DGKG: variants seen among roughly 807,000 people sequenced by gnomAD.
DGKG encodes the protein diacylglycerol kinase gamma.
A neutral mutation model predicts 105.3 loss-of-function variants in DGKG; 78 were observed. The observed-to-expected ratio is 0.74, with a 90% CI of 0.62 to 0.89. The LOEUF (loss-of-function observed/expected upper bound fraction) is 0.89, where lower values mean the gene tolerates loss of function less well. Among genes scored for constraint, DGKG ranks in the 40% least tolerant of loss-of-function variants. The pLI, the probability that DGKG is intolerant of heterozygous loss-of-function variation, is 0.00. For missense variants in DGKG, 958 were observed against 1,020.1 expected (o/e 0.94, Z 0.83); for synonymous variants, 346 against 367.1 (o/e 0.94, Z 0.66).
At chr3:186,335,282 G>T (rs1038731991) in intron 1 of DGKG, among the ~76,000 whole-genome samples, 5 of 152,080 alleles carry the variant, frequency 3.3e-5, no homozygotes, top group African/African-American at 7.2e-5. Flanking sequence ...TCACCATATT[G>T]GTTAGGCTGG....
At chr3:186,189,474 G>A (rs1307065391) in intron 21 of DGKG, among the ~76,000 whole-genome samples, 2 of 152,220 alleles carry the variant, frequency 1.3e-5, no homozygotes, top group African/African-American at 2.4e-5. Flanking sequence ...CTTGAGCTAA[G>A]TTATCCAAGC....
At chr3:186,272,534 G>T (rs1722366590) in intron 10 of DGKG, among the ~76,000 whole-genome samples, 191 bp from the exon 11 acceptor site, 6 of 152,154 alleles carry the variant, frequency 3.9e-5, no homozygotes, top group Admixed American at 3.3e-4. Flanking sequence ...CAGAGACCCT[G>T]CTTATCTGCT....
At chr3:186,168,154 C>T (rs184674835) in intron 22 of DGKG, among the ~76,000 whole-genome samples, 2 of 152,268 alleles carry the variant, frequency 1.3e-5, no homozygotes, top group East Asian at 1.9e-4. Context: ...AAGCAATAAA[C>T]CTACTTGGCA....
chr3:186,205,134 G>A lies in DGKG; in HGVS notation c.1917+6661C>T, dbSNP rs553206758. Among the ~76,000 whole-genome samples, 178 of 152,040 alleles carry A rather than the reference G, an allele frequency of 1.2e-3. 1 individual carries two copies. The highest frequency in any genetic ancestry group is 4.1e-3 in the African/African-American group (170 of 41,476). On this transcript the variant is annotated intron_variant, in intron 21 of 24. Coordinates refer to ENST00000265022, the MANE Select transcript of DGKG (RefSeq NM_001346.3). ...TAACTGGACATGGTGGTGGGTGCCT[G>A]TAATCGCAGCTACTTGGGAGACTGA...
chr3:186,241,956 T>A (rs2300706), intron 20 of DGKG, among the ~76,000 whole-genome samples: 98,951 of 152,050 alleles, frequency 0.65, 36,882 homozygotes, highest in East Asian at 0.92. Flanking sequence ...TGGGACTTAG[T>A]GGGTTCCGGG....
intron 15 of DGKG, among the ~76,000 whole-genome samples, chr3:186,261,068 T>C (rs539543830): frequency 2.4e-4 from 36 of 152,320 alleles, no homozygotes; most frequent in African/African-American, 8.4e-4. Context: ...GTCAGGTCAG[T>C]TCAGGAGGGG....
chr3:186,321,894 C>T (rs2108641935), intron 1 of DGKG, among the ~76,000 whole-genome samples: 1 of 152,318 alleles, frequency 6.6e-6, no homozygotes, highest in Non-Finnish European at 1.5e-5. Flanking sequence ...GTCTCTCGCC[C>T]TGAGAAGTCC....
rs559665955 is a variant in DGKG, at chr3:186,360,684, G to A, written c.-249+1262C>T. ...TTCATTGACAACCAGGGTGCCCTGT[G>A]TGCCAGCAAGTGGCTCTGCCAGCTG... On this transcript the variant is annotated intron_variant, in intron 1 of 24. Transcript: ENST00000265022. Among the ~76,000 whole-genome samples, 12 of 152,292 alleles carry A rather than the reference G, an allele frequency of 7.9e-5. No individual in the cohort carries two copies. In the South Asian group the frequency reaches 2.5e-3, roughly 32 times the overall value.
chr3:186,282,905 C>A (rs1376241227), intron 7 of DGKG, among the ~76,000 whole-genome samples: 3 of 151,500 alleles, frequency 2.0e-5, no homozygotes, highest in Non-Finnish European at 4.4e-5. Flanking sequence ...GTAAAAGATA[C>A]ACTTTTTTTT....
In DGKG at chr3:186,296,665, A is replaced by G. The variant is rs377068739; in HGVS notation, c.373+756T>C. Among the ~76,000 whole-genome samples the G allele has an allele frequency of 1.2e-3, 190 of 152,336 alleles. 7 individuals carry two copies. In the South Asian group the frequency reaches 0.038, roughly 30 times the overall value. ...TTCCACAGGAACCAACCACACCACC[A>G]GGACCACTGTGTCCTCTCTCTCTAT... On this transcript the variant is annotated intron_variant, in intron 5 of 24. Transcript: ENST00000265022.
chr3:186,336,664 A>C (rs1216319064), intron 1 of DGKG, among the ~76,000 whole-genome samples: 1 of 152,116 alleles, frequency 6.6e-6, no homozygotes, highest in African/African-American at 2.4e-5. Context: ...TTAAAAGCAA[A>C]AGTCCTTTTG....
At chr3:186,272,133 C>A in intron 11 of DGKG, 122 bp downstream of exon 11, 1 of 737,098 alleles carries the variant, frequency 1.4e-6, no homozygotes, top group Non-Finnish European at 2.4e-6. Flanking sequence ...TACAGGTGGT[C>A]CTCAAGGCAG....
chr3:186,246,627 C>A lies in DGKG; in HGVS notation c.1762-4059G>T, dbSNP rs9852019. ...GGAAAAGGGTATAGACCCTTGTCCACGTCCCTCTGGGGAGTCCCACTGTAT... is the reference window on the plus strand; with the variant it reads ...GGAAAAGGGTATAGACCCTTGTCCAAGTCCCTCTGGGGAGTCCCACTGTAT... On this transcript the variant is annotated intron_variant, in intron 19 of 24. Coordinates refer to ENST00000265022, the MANE Select transcript of DGKG (RefSeq NM_001346.3). Among the ~76,000 whole-genome samples the A allele has an allele frequency of 9.2e-5, 14 of 152,260 alleles. No individual in the cohort carries two copies. In the South Asian group the frequency reaches 2.9e-3, roughly 32 times the overall value.
chr3:186,326,078 T>C (rs1457760097), intron 1 of DGKG, among the ~76,000 whole-genome samples: 2 of 152,166 alleles, frequency 1.3e-5, no homozygotes, highest in Non-Finnish European at 2.9e-5. Flanking sequence ...TTCTAGGCCC[T>C]ATCAAGGACA....
At chr3:186,325,256 G>T (rs1294356761) in intron 1 of DGKG, among the ~76,000 whole-genome samples, 1 of 152,094 alleles carries the variant, frequency 6.6e-6, no homozygotes, top group Non-Finnish European at 1.5e-5. Context: ...CAGGGGGAAG[G>T]GGCAAAGGCT....
chr3:186,352,800 C>T (rs1273458295), intron 1 of DGKG, among the ~76,000 whole-genome samples: 1 of 152,136 alleles, frequency 6.6e-6, no homozygotes, highest in Non-Finnish European at 1.5e-5. Flanking sequence ...GCCTCACTTT[C>T]CATCTTCTCT....
At chr3:186,345,273 A>C (rs771061969) in intron 1 of DGKG, among the ~76,000 whole-genome samples, 1 of 152,178 alleles carries the variant, frequency 6.6e-6, no homozygotes, top group Non-Finnish European at 1.5e-5. Flanking sequence ...TTTGCACAAC[A>C]CTTTGTTTTA....
chr3:186,253,781 A>T (rs986133034), intron 17 of DGKG, among the ~76,000 whole-genome samples: 2 of 152,188 alleles, frequency 1.3e-5, no homozygotes, highest in Non-Finnish European at 2.9e-5. Flanking sequence ...TTCAGGGGCC[A>T]GGCAGGTATA....
At chr3:186,322,810 C>T (rs1725142894) in intron 1 of DGKG, among the ~76,000 whole-genome samples, 1 of 152,174 alleles carries the variant, frequency 6.6e-6, no homozygotes, top group African/African-American at 2.4e-5. Flanking sequence ...TGTCCCAAAC[C>T]ACCCCTGATC....
Sources: gnomAD v4.1 joint callset for allele counts (sites outside exome capture counted in the v4.1 genomes callset) on GRCh38, gnomAD v4.1.1 for gene constraint, MANE v1.5 for transcripts, NCBI Gene and HGNC (gene_info 2026-07-23, HGNC 2026-07-21) for gene names.